The following MGRN1 variants were observed in gnomAD, a reference collection of about 807,000 sequenced individuals.
The protein encoded by MGRN1 is mahogunin ring finger 1.
A neutral mutation model predicts 69.2 loss-of-function variants in MGRN1; 29 were observed. The observed-to-expected ratio is 0.42, with a 90% CI of 0.31 to 0.57. The LOEUF (loss-of-function observed/expected upper bound fraction) is 0.57. Among genes scored for constraint, MGRN1 ranks in the 20% least tolerant of loss-of-function variants. MGRN1 has a pLI of 0.15. For synonymous variants in MGRN1, 470 were observed against 344.2 expected, an observed-to-expected ratio of 1.37 and a Z score of -4.04; for missense variants, 998 against 796.2, an observed-to-expected ratio of 1.25 and a Z score of -3.05.
chr16:4,636,979 C>T (rs1313609228), intron 1 of MGRN1, among the ~76,000 whole-genome samples: 1 of 151,734 alleles, frequency 6.6e-6, no homozygotes, highest in Non-Finnish European at 1.5e-5. Context: ...ATTAGCAGGG[C>T]ACGGTGGCGT....
chr16:4,649,326 T>C (rs2078350167), intron 1 of MGRN1: 1 of 152,258 alleles, frequency 6.6e-6, no homozygotes, highest in African/African-American at 2.4e-5. Flanking sequence ...AAATGACCTC[T>C]AACCGTGGCT....
At chr16:4,660,338 T>A (rs8055135) in intron 5 of MGRN1, among the ~76,000 whole-genome samples, 5,939 of 152,304 alleles carry the variant, frequency 0.039, 379 homozygotes, top group African/African-American at 0.14. Flanking sequence ...CAAAGGGCTT[T>A]ACCTGGAGCC....
intron 8 of MGRN1, among the ~76,000 whole-genome samples, chr16:4,669,430 T>TAAAAAAAAAA (rs1596304464): frequency 4.5e-5 from 2 of 44,694 alleles, no homozygotes. Context: ...GAAGACTGTG[T>TAAAAAAAAAA]CAAAAAAAAA....
At chr16:4,646,592 A>G (rs887821359) in intron 1 of MGRN1, among the ~76,000 whole-genome samples, 3 of 152,008 alleles carry the variant, frequency 2.0e-5, no homozygotes, top group African/African-American at 4.8e-5. Context: ...TCCTCACAGC[A>G]TGGTGGCAGC....
chr16:4,664,202 G>C (rs1466520431), intron 5 of MGRN1: 1 of 170,616 alleles, frequency 5.9e-6, no homozygotes, highest in Non-Finnish European at 1.3e-5. Context: ...CCAGAAAAAG[G>C]AAAGCAGCAC....
intron 8 of MGRN1, among the ~76,000 whole-genome samples, chr16:4,670,334 C>A (rs962044379): frequency 6.6e-6 from 1 of 152,178 alleles, no homozygotes; most frequent in African/African-American, 2.4e-5. Flanking sequence ...CCTCCACCTC[C>A]TGGGTTCAAG....
Position 4,652,700 on chromosome 16 carries a change from C to A in MGRN1, c.319C>A (p.Pro107Thr), listed in dbSNP as rs777339703. Residue 107 changes from proline to threonine, a missense_variant, in exon 4 of 17, where the codon CCC becomes ACC. By Grantham distance (38) the Pro-to-Thr change is conservative. Coordinates refer to ENST00000262370, the MANE Select transcript of MGRN1 (RefSeq NM_015246.4). The stretch of plus-strand genomic sequence containing the variant: ...TAGGTACAAAGACGATGCCGACAGC[C>A]CCACCGAGGACGGCGACAAGCCCCG... ...LVRYKDDADS[P>T]TEDGDKPRVL... 1.9e-6 allele frequency: 3 copies of A among 1,612,694 alleles called. No individual in the cohort carries two copies. The highest frequency in any genetic ancestry group is 2.7e-5 in the African/African-American group (2 of 74,854).
At chr16:4,688,359 G>C in intron 16 of MGRN1, 7 of 994,060 alleles carry the variant, frequency 7.0e-6, no homozygotes, top group Non-Finnish European at 7.2e-6. Context: ...CTCTGAGCAC[G>C]GGCTTGTTCT....
intron 1 of MGRN1, chr16:4,649,426 G>A (rs1024614699): frequency 6.6e-6 from 1 of 152,176 alleles, no homozygotes; most frequent in Non-Finnish European, 1.5e-5. Flanking sequence ...GAAGGCGCTG[G>A]GGGAGGACTC....
At chr16:4,629,955 AG>A (rs1305591051) in intron 1 of MGRN1, among the ~76,000 whole-genome samples, 1 of 150,074 alleles carries the variant, frequency 6.7e-6, no homozygotes, top group Non-Finnish European at 1.5e-5. Flanking sequence ...CTGAGTCAGG[AG>A]AATTGCTTGA....
At chr16:4,679,943 G>A (rs2079141037) in intron 11 of MGRN1, 89 bp from the exon 12 acceptor site, 2 of 1,248,822 alleles carry the variant, frequency 1.6e-6, no homozygotes, top group South Asian at 1.3e-5. Flanking sequence ...CCACGGTGTG[G>A]CAAGAGGACA....
chr16:4,652,199 T>C, intron 3 of MGRN1, 148 bp downstream of exon 3: 1 of 724,846 alleles, frequency 1.4e-6, no homozygotes, highest in East Asian at 2.8e-5. Context: ...TGTCCTGGGC[T>C]GAGCGAGGGA....
chr16:4,625,634 T>A (rs1302417970), intron 1 of MGRN1, among the ~76,000 whole-genome samples: 1 of 152,118 alleles, frequency 6.6e-6, no homozygotes, highest in Admixed American at 6.5e-5. Flanking sequence ...CGGGCCTCTG[T>A]GTTATGGCTG....
intron 16 of MGRN1, chr16:4,688,293 A>C: frequency 1.0e-6 from 1 of 986,574 alleles, no homozygotes; most frequent in Non-Finnish European, 1.2e-6. Context: ...CAGTCTGGGC[A>C]TTGGGGCTCT....
chr16:4,671,411 C>T lies in MGRN1; in HGVS notation c.747C>T (p.Leu249=), dbSNP rs1282443719. The change falls in exon 9 of 17, where the codon CTC becomes CTT. Residue 249 remains leucine, a synonymous_variant. Transcript: ENST00000262370. ...TCCAGGTGGACCGGGTCAGCTACCTCCTGCAGGAGATCTATGGCATTGAGA... is the reference window on the plus strand; with the variant it reads ...TCCAGGTGGACCGGGTCAGCTACCTTCTGCAGGAGATCTATGGCATTGAGA... ...QKQIVDRVSY[L]LQEIYGIENK... 6.2e-7 allele frequency: 1 copy of T among 1,614,066 alleles called. No individual in the cohort carries two copies. The highest frequency in any genetic ancestry group is 8.5e-7 in the Non-Finnish European group (1 of 1,179,984).
chr16:4,633,016 G>T (rs1035312890), intron 1 of MGRN1, among the ~76,000 whole-genome samples: 8 of 152,164 alleles, frequency 5.3e-5, no homozygotes, highest in African/African-American at 1.9e-4. Flanking sequence ...TCAGGAGGTC[G>T]AGGCTGCAGT....
intron 16 of MGRN1, among the ~76,000 whole-genome samples, chr16:4,685,405 C>G (rs2079288255): frequency 6.6e-6 from 1 of 152,232 alleles, no homozygotes; most frequent in East Asian, 1.9e-4. Flanking sequence ...CATGCCCCAC[C>G]CACAGGGGAG....
In MGRN1 at chr16:4,688,940, C is replaced by T. The variant is rs778996969; in HGVS notation, c.*32C>T. 70 of 1,521,426 alleles carry T rather than the reference C, an allele frequency of 4.6e-5. No individual in the cohort carries two copies. Among genetic ancestry groups the T allele is most frequent in the Middle Eastern group, 1.8e-4 (1 of 5,410 alleles). 94.2% of individuals were successfully genotyped at this position (1,521,426 alleles called of 1,614,324 possible). On this transcript the variant is annotated 3_prime_UTR_variant, in exon 17 of 17. Transcript: ENST00000262370. ...GGCCGAGCTGGCAGCATGGAGCCCTCGGCTCCCCAGACTTTGCCGAGGGGC... is the reference window on the plus strand; with the variant it reads ...GGCCGAGCTGGCAGCATGGAGCCCTTGGCTCCCCAGACTTTGCCGAGGGGC...
intron 5 of MGRN1, among the ~76,000 whole-genome samples, chr16:4,661,178 T>C (rs2078671817): frequency 6.6e-6 from 1 of 151,548 alleles, no homozygotes; most frequent in Non-Finnish European, 1.5e-5. Context: ...AGAGTTTCTC[T>C]ATGTTGCGTA....
Sources: gnomAD v4.1 joint callset for allele counts (sites outside exome capture counted in the v4.1 genomes callset) on GRCh38, gnomAD v4.1.1 for gene constraint, MANE v1.5 for transcripts, NCBI Gene and HGNC (gene_info 2026-07-23, HGNC 2026-07-21) for gene names.